The following KCNAB1 variants were observed in gnomAD, a reference collection of about 807,000 sequenced individuals.
The protein encoded by KCNAB1 is potassium voltage-gated channel subfamily A regulatory beta subunit 1, also known as voltage-gated potassium channel subunit beta-1.
A neutral mutation model predicts 64.6 loss-of-function variants in KCNAB1; 35 were observed. The observed-to-expected ratio is 0.54, with a 90% confidence interval of 0.41 to 0.72. KCNAB1 has a LOEUF of 0.72. KCNAB1 is among the 30% of genes least tolerant of loss of function. KCNAB1 has a pLI of 0.00. For synonymous variants in KCNAB1, 177 were observed against 183.8 expected, an observed-to-expected ratio of 0.96 and a Z score of 0.30; for missense variants, 401 against 512.9, an observed-to-expected ratio of 0.78 and a Z score of 2.11.
chr3:156,313,040 C>T (rs149178555), intron 1 of KCNAB1, among the ~76,000 whole-genome samples: 1 of 152,286 alleles, frequency 6.6e-6, no homozygotes, highest in Admixed American at 6.5e-5. Flanking sequence ...GATCTTTTTG[C>T]TTCACATTTC....
At chr3:156,295,781 T>A (rs1720733032) in intron 1 of KCNAB1, among the ~76,000 whole-genome samples, 1 of 152,194 alleles carries the variant, frequency 6.6e-6, no homozygotes, top group Admixed American at 6.5e-5. Flanking sequence ...ATATATTACA[T>A]GCATAGAATG....
chr3:156,281,704 G>T (rs1438058363), intron 1 of KCNAB1, among the ~76,000 whole-genome samples: 1 of 151,218 alleles, frequency 6.6e-6, no homozygotes, highest in East Asian at 1.9e-4. Flanking sequence ...GAGAGTGTAT[G>T]TGTCCAGGAA....
chr3:156,384,757 T>C (rs564894476), intron 1 of KCNAB1, among the ~76,000 whole-genome samples: 1 of 152,254 alleles, frequency 6.6e-6, no homozygotes, highest in South Asian at 2.1e-4. Flanking sequence ...ATTTCTTCTT[T>C]TAGATGAAGT....
rs201435225 is a variant in KCNAB1 at position 156,160,877 on chromosome 3, G to A, written c.275+39991G>A. Among the ~76,000 whole-genome samples the A allele has an allele frequency of 9.4e-4, 143 of 152,332 alleles. 1 individual carries two copies. The highest frequency in any genetic ancestry group is 6.8e-3 in the South Asian group (33 of 4,828). On this transcript the variant is annotated intron_variant, in intron 1 of 13. Transcript: ENST00000490337. ...AATGCTCATTGATCTAATTAGGCCCGGAGGTAGTCATTGTGGCATGAAGGA... is the reference window on the plus strand; with the variant it reads ...AATGCTCATTGATCTAATTAGGCCCAGAGGTAGTCATTGTGGCATGAAGGA...
At chr3:156,511,898 C>T (rs1717238960) in intron 8 of KCNAB1, among the ~76,000 whole-genome samples, 1 of 152,214 alleles carries the variant, frequency 6.6e-6, no homozygotes, top group African/African-American at 2.4e-5. Context: ...GTCCTCCTTC[C>T]CTCCCATTGC....
chr3:156,379,405 AG>A (rs769556073), intron 1 of KCNAB1, among the ~76,000 whole-genome samples: 98 of 152,304 alleles, frequency 6.4e-4, no homozygotes, highest in Non-Finnish European at 1.1e-3. Flanking sequence ...TAGAAAAGGA[AG>A]GTGGATGAGG....
chr3:156,465,312 T>C (rs1713280868), intron 6 of KCNAB1, among the ~76,000 whole-genome samples: 1 of 152,202 alleles, frequency 6.6e-6, no homozygotes, highest in South Asian at 2.1e-4. Context: ...AGCCTTTTTA[T>C]TTTCTCTAGA....
chr3:156,329,116 G>T (rs1214272414), intron 1 of KCNAB1, among the ~76,000 whole-genome samples: 1 of 152,116 alleles, frequency 6.6e-6, no homozygotes, highest in East Asian at 1.9e-4. Flanking sequence ...GTCAACTTGA[G>T]ATCTCTAATA....
chr3:156,179,980 T>C (rs1712698537), intron 1 of KCNAB1, among the ~76,000 whole-genome samples: 1 of 152,250 alleles, frequency 6.6e-6, no homozygotes, highest in Non-Finnish European at 1.5e-5. Flanking sequence ...GCTTAACATA[T>C]ATTGAACATT....
rs1207509129 is a variant in KCNAB1, at chr3:156,279,235, C to T, written c.276-142381C>T. ...TGCGGTGTTTGGTTTTTTGTTCTTGCGATAGTTTACTGAGAATGATGATTT... is the reference window on the plus strand; with the variant it reads ...TGCGGTGTTTGGTTTTTTGTTCTTGTGATAGTTTACTGAGAATGATGATTT... On this transcript the variant is annotated intron_variant, in intron 1 of 13. Transcript: ENST00000490337. 2.3e-3 allele frequency among the ~76,000 whole-genome samples: 346 copies of T among 149,396 alleles called. 1 individual carries two copies. Among genetic ancestry groups the T allele is most frequent in the Non-Finnish European group, 4.1e-3 (276 of 67,376 alleles).
rs531811872 is a variant in KCNAB1 at position 156,421,714 on chromosome 3, G to A, written c.319+55G>A. 15 of 1,532,476 alleles carry A rather than the reference G, an allele frequency of 9.8e-6. No individual in the cohort carries two copies. In the South Asian group the frequency reaches 1.6e-4, roughly 16 times the overall value. 94.9% of individuals were successfully genotyped at this position (1,532,476 alleles called of 1,614,324 possible). A position where few individuals can be genotyped will look rare whatever the true frequency, so the allele number is the denominator to read the frequency against. ...GGCTGGAAGGTGGGAGACTGGGGAG[G>A]GCACCAGGGAGTGACTGTGGTCTAG... On this transcript the variant is annotated intron_variant, in intron 2 of 13. Coordinates refer to ENST00000490337, the MANE Select transcript of KCNAB1 (RefSeq NM_172160.3).
chr3:156,491,884 A>G (rs1715656938), intron 8 of KCNAB1, among the ~76,000 whole-genome samples: 1 of 152,154 alleles, frequency 6.6e-6, no homozygotes, highest in Non-Finnish European at 1.5e-5. Context: ...AGAACCAGAT[A>G]GAGAACTCTA....
chr3:156,177,613 G>A (rs952280654), intron 1 of KCNAB1, among the ~76,000 whole-genome samples: 6 of 152,044 alleles, frequency 3.9e-5, no homozygotes, highest in Admixed American at 3.3e-4. Flanking sequence ...TCCTGACCTC[G>A]TGATCCGCCC....
chr3:156,355,191 T>C (rs1287749862), intron 1 of KCNAB1, among the ~76,000 whole-genome samples: 5 of 152,250 alleles, frequency 3.3e-5, no homozygotes, highest in Non-Finnish European at 5.9e-5. Context: ...TATATTCACA[T>C]GTACCATCAT....
intron 1 of KCNAB1, among the ~76,000 whole-genome samples, chr3:156,252,139 C>A (rs1477079148): frequency 6.6e-6 from 1 of 152,220 alleles, no homozygotes; most frequent in South Asian, 2.1e-4. Context: ...CTCCCCCTGA[C>A]GGAGGGCATC....
intron 8 of KCNAB1, among the ~76,000 whole-genome samples, chr3:156,480,383 T>G (rs1714701294): frequency 6.7e-6 from 1 of 148,712 alleles, no homozygotes; most frequent in African/African-American, 2.5e-5. Context: ...CGTTGTGGGG[T>G]GGGGGGCAAG....
chr3:156,122,881 C>T (rs936859763), intron 1 of KCNAB1, among the ~76,000 whole-genome samples: 2 of 152,160 alleles, frequency 1.3e-5, no homozygotes, highest in Non-Finnish European at 2.9e-5. Context: ...TTTTTCTCAT[C>T]GCCAGCAACT....
chr3:156,322,625 C>T (rs745694731), intron 1 of KCNAB1, among the ~76,000 whole-genome samples: 18 of 151,940 alleles, frequency 1.2e-4, no homozygotes, highest in South Asian at 1.0e-3. Context: ...GCACAGAGAC[C>T]GAGAGATGAC....
intron 1 of KCNAB1, among the ~76,000 whole-genome samples, chr3:156,329,364 C>A (rs1200674783): frequency 6.6e-6 from 1 of 152,008 alleles, no homozygotes; most frequent in Non-Finnish European, 1.5e-5. Context: ...GGTGGGGGAG[C>A]AGGGGATGAT....
Sources: gnomAD v4.1 joint callset for allele counts (sites outside exome capture counted in the v4.1 genomes callset) on GRCh38, gnomAD v4.1.1 for gene constraint, MANE v1.5 for transcripts, NCBI Gene and HGNC (gene_info 2026-07-23, HGNC 2026-07-21) for gene names.